FGF12: variants seen among roughly 807,000 people sequenced by gnomAD.
The protein encoded by FGF12 is fibroblast growth factor 12.
A neutral mutation model predicts 23.6 loss-of-function variants in FGF12; 14 were observed. That is an observed-to-expected ratio of 0.59 (90% confidence interval 0.39 to 0.93). The LOEUF (loss-of-function observed/expected upper bound fraction) is 0.93, where lower values mean the gene tolerates loss of function less well. Among genes scored for constraint, FGF12 ranks in the 40% least tolerant of loss-of-function variants. The probability of loss-of-function intolerance (pLI) is 0.00; values close to 1 mark genes in which losing one functional copy is unlikely to be tolerated. For synonymous variants in FGF12, 62 were observed against 77.3 expected, an observed-to-expected ratio of 0.80 and a Z score of 1.04; for missense variants, 175 against 217.8, an observed-to-expected ratio of 0.80 and a Z score of 1.24.
At chr3:192,268,132 T>C (rs1464936156) in intron 4 of FGF12, among the ~76,000 whole-genome samples, 1 of 152,186 alleles carries the variant, frequency 6.6e-6, no homozygotes, top group East Asian at 1.9e-4. Flanking sequence ...CGTAAATATT[T>C]CCTATGCCAG....
intron 2 of FGF12, among the ~76,000 whole-genome samples, chr3:192,376,378 T>C (rs1451448899): frequency 6.6e-6 from 1 of 151,996 alleles, no homozygotes; most frequent in African/African-American, 2.4e-5. Context: ...TTTTATTTTT[T>C]TGAGACTGAG....
At chr3:192,426,589 A>G (rs1281179029) in intron 2 of FGF12, among the ~76,000 whole-genome samples, 1 of 152,208 alleles carries the variant, frequency 6.6e-6, no homozygotes. Flanking sequence ...GATGATGGCA[A>G]TCCAGTATGT....
chr3:192,485,941 C>A (rs758982397), intron 2 of FGF12, among the ~76,000 whole-genome samples: 1 of 151,840 alleles, frequency 6.6e-6, no homozygotes, highest in African/African-American at 2.4e-5. Flanking sequence ...TCATTTTGTA[C>A]GCACTATAAA....
At chr3:192,328,076 A>G (rs9860303) in intron 4 of FGF12, among the ~76,000 whole-genome samples, 8,721 of 152,224 alleles carry the variant, frequency 0.057, 777 homozygotes, top group African/African-American at 0.19. Flanking sequence ...GAGCTGGGGT[A>G]AGAAAATAGA....
chr3:192,627,852 A>G (rs1002264305), intron 2 of FGF12, among the ~76,000 whole-genome samples: 12 of 147,350 alleles, frequency 8.1e-5, no homozygotes, highest in Non-Finnish European at 7.5e-5. Flanking sequence ...GTGTGTGTGC[A>G]TGTGTGTGTG....
chr3:192,564,446 T>A (rs1056033864), intron 2 of FGF12, among the ~76,000 whole-genome samples: 3 of 152,198 alleles, frequency 2.0e-5, no homozygotes, highest in African/African-American at 7.2e-5. Context: ...ATGTCCACTT[T>A]ATGCTTCGGG....
chr3:192,297,673 A>G (rs1715119592), intron 4 of FGF12, among the ~76,000 whole-genome samples: 1 of 152,174 alleles, frequency 6.6e-6, no homozygotes, highest in South Asian at 2.1e-4. Context: ...GGAATGAGCA[A>G]TTGATTATAA....
At chr3:192,178,689 G>T (rs926059807) in intron 4 of FGF12, among the ~76,000 whole-genome samples, 1 of 152,070 alleles carries the variant, frequency 6.6e-6, no homozygotes, top group East Asian at 1.9e-4. Context: ...GTAGAGACAG[G>T]GTTTCACCCT....
intron 2 of FGF12, among the ~76,000 whole-genome samples, chr3:192,677,210 C>CTAT (rs1215149138): frequency 6.6e-6 from 1 of 152,190 alleles, no homozygotes; most frequent in African/African-American, 2.4e-5. Flanking sequence ...ACCTTCCAAA[C>CTAT]TATTACCTCC....
At chr3:192,553,430 A>G (rs1305254268) in intron 2 of FGF12, among the ~76,000 whole-genome samples, 2 of 152,190 alleles carry the variant, frequency 1.3e-5, no homozygotes, top group African/African-American at 4.8e-5. Context: ...TAATAAATTA[A>G]GAATACATAT....
intron 4 of FGF12, among the ~76,000 whole-genome samples, chr3:192,253,437 A>G (rs1577284717): frequency 1.3e-5 from 2 of 152,114 alleles, no homozygotes; most frequent in South Asian, 4.1e-4. Flanking sequence ...AGGAAGGGAA[A>G]AGGGAAGAAC....
At chr3:192,697,280 G>C (rs1718156176) in intron 2 of FGF12, among the ~76,000 whole-genome samples, 1 of 152,150 alleles carries the variant, frequency 6.6e-6, no homozygotes, top group Non-Finnish European at 1.5e-5. Context: ...ACTCTTCGAA[G>C]GTATACATTA....
At chr3:192,444,429 G>A (rs532882079) in intron 2 of FGF12, among the ~76,000 whole-genome samples, 1 of 150,670 alleles carries the variant, frequency 6.6e-6, no homozygotes, top group East Asian at 1.9e-4. Flanking sequence ...TTTTTATCTT[G>A]CCTTTCTGTG....
At chr3:192,261,914 T>G (rs1222905626) in intron 4 of FGF12, among the ~76,000 whole-genome samples, 1 of 152,132 alleles carries the variant, frequency 6.6e-6, no homozygotes, top group Non-Finnish European at 1.5e-5. Context: ...TCTTATGGGT[T>G]GTTTTCCTGA....
At chr3:192,204,285 A>G (rs1166107705) in intron 4 of FGF12, among the ~76,000 whole-genome samples, 1 of 152,220 alleles carries the variant, frequency 6.6e-6, no homozygotes, top group African/African-American at 2.4e-5. Flanking sequence ...GCTGTACAGC[A>G]GAACTTTCTC....
rs60349563 is a variant in FGF12, at chr3:192,337,999, C to G, written c.125-2535G>C. Among the ~76,000 whole-genome samples, 852 of 152,210 alleles carry G rather than the reference C, an allele frequency of 5.6e-3. 5 individuals carry two copies. The highest frequency in any genetic ancestry group is 0.02 in the African/African-American group (811 of 41,514). ...CATAAATGCTATGAAGAATTTAGGA[C>G]AGAATGATTACCTTAATTTATAGAA... On this transcript the variant is annotated intron_variant, in intron 3 of 5. Transcript: ENST00000445105.
At chr3:192,299,360 GA>G (rs1182770884) in intron 4 of FGF12, among the ~76,000 whole-genome samples, 1 of 152,146 alleles carries the variant, frequency 6.6e-6, no homozygotes, top group African/African-American at 2.4e-5. Context: ...ATTGGCCTGT[GA>G]TTACCATACA....
intron 2 of FGF12, among the ~76,000 whole-genome samples, chr3:192,650,966 A>T (rs1010254453): frequency 2.6e-5 from 4 of 152,214 alleles, no homozygotes; most frequent in Non-Finnish European, 5.9e-5. Context: ...TTTTAAGTTA[A>T]ATATATTTCT....
chr3:192,708,767 G>T (rs916190162), intron 2 of FGF12, among the ~76,000 whole-genome samples: 2 of 152,078 alleles, frequency 1.3e-5, no homozygotes, highest in Non-Finnish European at 2.9e-5. Flanking sequence ...TCAAGCAAAA[G>T]CTTTATTGAG....
Sources: gnomAD v4.1 joint callset for allele counts (sites outside exome capture counted in the v4.1 genomes callset) on GRCh38, gnomAD v4.1.1 for gene constraint, MANE v1.5 for transcripts, NCBI Gene and HGNC (gene_info 2026-07-23, HGNC 2026-07-21) for gene names.